The following RNF186 variants were observed in gnomAD, a reference collection of about 807,000 sequenced individuals.
RNF186 encodes the protein E3 ubiquitin-protein ligase RNF186.
For missense variants in RNF186, 298 were observed against 298.5 expected, an observed-to-expected ratio of 1.00 and a Z score of 0.01; for synonymous variants, 152 against 133.5, an observed-to-expected ratio of 1.14 and a Z score of -0.96.
Position 19,814,872 on chromosome 1 carries a change from G to A in RNF186, c.230C>T (p.Thr77Ile), listed in dbSNP as rs767724635. The stretch of plus-strand genomic sequence containing the variant: ...GCACAGCGGGCAGGTGATGGACCAG[G>A]TGTTGTCCTGCACGCACAGCAGGAG... Reference protein sequence around the residue: ...LKLLLCVQDNTWSITCPLCRK... With the variant: ...LKLLLCVQDNIWSITCPLCRK... Residue 77 changes from threonine (T) to isoleucine (I), a missense_variant, in exon 1 of 1, where the codon ACC becomes ATC. By Grantham distance (89) the Thr-to-Ile change is moderately conservative. Coordinates refer to ENST00000375121, the MANE Select transcript of RNF186 (RefSeq NM_019062.2). This position sits in a 1 kb window ranked among gnomAD's most constrained non-coding sequence, Gnocchi z 4.7. 1.5e-5 allele frequency: 25 copies of A among 1,613,904 alleles called. 1 individual carries two copies. The highest frequency in any genetic ancestry group is 1.4e-4 in the South Asian group (13 of 91,078).
In RNF186 at chr1:19,814,995, C is replaced by T; in HGVS notation, c.107G>A (p.Cys36Tyr). The T allele has an allele frequency of 6.2e-7, 1 of 1,614,100 alleles. No individual in the cohort carries two copies. Among genetic ancestry groups the T allele is most frequent in the Admixed American group, 1.7e-5 (1 of 60,032 alleles). ...PAGGHSGSTE[C>Y]DLECLVCREP... The stretch of plus-strand genomic sequence containing the variant: ...CCGGCACACCAGACACTCCAGGTCA[C>T]ATTCTGTGGAGCCAGAATGACCCCC... The change falls in exon 1 of 1, where the codon TGT becomes TAT. Residue 36 changes from cysteine to tyrosine, a missense_variant. By Grantham distance (194) the Cys-to-Tyr change is radical. Transcript: ENST00000375121. The surrounding 1 kb of genome is among the most constrained non-coding windows in gnomAD (Gnocchi z 4.7).
At position 19,814,368 on chromosome 1, in the gene RNF186, G is replaced by A. The variant is rs199744745; in HGVS notation, c.*50C>T. 419 of 1,534,328 alleles carry A rather than the reference G, an allele frequency of 2.7e-4. No individual in the cohort carries two copies. Among genetic ancestry groups the A allele is most frequent in the East Asian group, 7.9e-4 (35 of 44,166 alleles). ...CTTACCCTGTTCATTGTGGAAGTCCGGGGGCCCAAGGGCAGAAAGGGCTGC... is the reference window on the plus strand; with the variant it reads ...CTTACCCTGTTCATTGTGGAAGTCCAGGGGCCCAAGGGCAGAAAGGGCTGC... On this transcript the variant is annotated 3_prime_UTR_variant, in exon 1 of 1. Coordinates refer to ENST00000375121, the MANE Select transcript of RNF186 (RefSeq NM_019062.2). The surrounding 1 kb of genome is among the most constrained non-coding windows in gnomAD (Gnocchi z 4.7).
rs767216940 is a variant in RNF186 at position 19,814,720 on chromosome 1, C to A, written c.382G>T (p.Asp128Tyr). 1 of 1,614,172 alleles carries A rather than the reference C, an allele frequency of 6.2e-7. No homozygotes were observed. The highest frequency in any genetic ancestry group is 1.3e-5 in the African/African-American group (1 of 75,056). ...LCPQGLVDPA[D>Y]LAAGHPSLVG... is the part of the protein sequence containing the mutation. Reference sequence around the variant, plus strand: ...AAGCTGGGGTGTCCTGCTGCCAAGTCAGCAGGATCCACCAGCCCCTGAGGA... The same window carrying A: ...AAGCTGGGGTGTCCTGCTGCCAAGTAAGCAGGATCCACCAGCCCCTGAGGA... Residue 128 changes from aspartate (D) to tyrosine (Y), a missense_variant, in exon 1 of 1, where the codon GAC becomes TAC. Physicochemically the swap from Asp to Tyr is radical, Grantham distance 160 (BLOSUM62 -3). Transcript: ENST00000375121. The surrounding 1 kb of genome is among the most constrained non-coding windows in gnomAD (Gnocchi z 4.7).
rs376655245 is a variant in RNF186, at chr1:19,815,044, T to A, written c.58A>T (p.Thr20Ser). Residue 20 changes from threonine to serine, a missense_variant, in exon 1 of 1, where the codon ACC becomes TCC. Transcript: ENST00000375121. ...CCAGCAGGGGCCACAGCGGTGGTGG[T>A]TGTGGTGGCTCCTGCGGAGATGGGC... ...SQPISAGATT[T>S]TTAVAPAGGH... 3.1e-6 allele frequency: 5 copies of A among 1,613,726 alleles called. No individual in the cohort carries two copies. The African/African-American group carries it at 6.7e-5, about 22-fold the overall frequency.
In RNF186 at chr1:19,814,326, G is replaced by T; in HGVS notation, c.*92C>A. ...GGCATGTGATTTCCCAAAGGAGCCA[G>T]TCTTAGTCCGTAACCCCTTACCCTG... On this transcript the variant is annotated 3_prime_UTR_variant, in exon 1 of 1. Transcript: ENST00000375121. This position sits in a 1 kb window ranked among gnomAD's most constrained non-coding sequence, Gnocchi z 4.7. 8.3e-7 allele frequency: 1 copy of T among 1,210,950 alleles called. No homozygotes were observed. The highest frequency in any genetic ancestry group is 1.2e-6 in the Non-Finnish European group (1 of 869,518). 75.0% of individuals were successfully genotyped at this position (1,210,950 alleles called of 1,614,324 possible).
chr1:19,814,628 G>T lies in RNF186; in HGVS notation c.474C>A (p.His158Gln). The T allele has an allele frequency of 2.5e-6, 4 of 1,614,218 alleles. No homozygotes were observed. The highest frequency in any genetic ancestry group is 3.4e-6 in the Non-Finnish European group (4 of 1,180,040). The change falls in exon 1 of 1, where the codon CAC (histidine) becomes CAA (glutamine). Residue 158 changes from histidine to glutamine, a missense_variant. By Grantham distance (24) the His-to-Gln change is conservative (BLOSUM62 0). Coordinates refer to ENST00000375121, the MANE Select transcript of RNF186 (RefSeq NM_019062.2). The surrounding 1 kb of genome is among the most constrained non-coding windows in gnomAD (Gnocchi z 4.7). Reference protein sequence around the residue: ...NHVAARRLAAHLLLLALLIIL... With the variant: ...NHVAARRLAAQLLLLALLIIL... ...TAATGAGCAAGGCCAGCAGGAGTAG[G>T]TGCGCGGCCAGGCGCCGGGCTGCCA...
Position 19,814,182 on chromosome 1 carries a change from C to T in RNF186, c.*236G>A, listed in dbSNP as rs1341235049. 3 of 505,726 alleles carry T rather than the reference C, an allele frequency of 5.9e-6. No individual in the cohort carries two copies. Among genetic ancestry groups the T allele is most frequent in the Non-Finnish European group, 7.0e-6 (2 of 283,766 alleles). 31.3% of individuals were successfully genotyped at this position (505,726 alleles called of 1,614,324 possible). A position where few individuals can be genotyped will look rare whatever the true frequency, so the allele number is the denominator to read the frequency against. The stretch of plus-strand genomic sequence containing the variant: ...GTCATGTTCAAGTAGTTTGTGTCTG[C>T]TCCCCTAGCCACCAACAGTTTTAGC... On this transcript the variant is annotated 3_prime_UTR_variant, in exon 1 of 1. Transcript: ENST00000375121. The surrounding 1 kb of genome is among the most constrained non-coding windows in gnomAD (Gnocchi z 4.7).
chr1:19,814,378 G>A lies in RNF186; in HGVS notation c.*40C>T. On this transcript the variant is annotated 3_prime_UTR_variant, in exon 1 of 1. Transcript: ENST00000375121. This position sits in a 1 kb window ranked among gnomAD's most constrained non-coding sequence, Gnocchi z 4.7. ...TCATTGTGGAAGTCCGGGGGCCCAA[G>A]GGCAGAAAGGGCTGCAGGGATAGCC... 1.3e-6 allele frequency: 2 copies of A among 1,578,238 alleles called. No individual in the cohort carries two copies. Among genetic ancestry groups the A allele is most frequent in the East Asian group, 2.2e-5 (1 of 44,490 alleles).
At position 19,814,392 on chromosome 1, in the gene RNF186, G is replaced by A. The variant is rs766837946; in HGVS notation, c.*26C>T. 57 of 1,601,620 alleles carry A rather than the reference G, an allele frequency of 3.6e-5. No homozygotes were observed. Among genetic ancestry groups the A allele is most frequent in the Middle Eastern group, 1.7e-4 (1 of 5,998 alleles). On this transcript the variant is annotated 3_prime_UTR_variant, in exon 1 of 1. Coordinates refer to ENST00000375121, the MANE Select transcript of RNF186 (RefSeq NM_019062.2). This position sits in a 1 kb window ranked among gnomAD's most constrained non-coding sequence, Gnocchi z 4.7. The stretch of plus-strand genomic sequence containing the variant: ...CGGGGGCCCAAGGGCAGAAAGGGCT[G>A]CAGGGATAGCCTCATCAGAGGGCAC...
chr1:19,814,066 C>A lies in RNF186; in HGVS notation c.*352G>T, dbSNP rs1173834257. The stretch of plus-strand genomic sequence containing the variant: ...AGAATGGAATTCCAGTTCTATTCTA[C>A]AATGGCATCAATACTGCAATACTTT... On this transcript the variant is annotated 3_prime_UTR_variant, in exon 1 of 1. Transcript: ENST00000375121. This position sits in a 1 kb window ranked among gnomAD's most constrained non-coding sequence, Gnocchi z 4.7. The A allele has an allele frequency of 2.0e-5, 4 of 202,032 alleles. No individual in the cohort carries two copies. The East Asian group carries it at 4.6e-4, about 23-fold the overall frequency. The allele number at this position is 202,032 out of a possible 1,614,324, so 12.5% of individuals were successfully genotyped here.
In RNF186 at chr1:19,814,822, C is replaced by T. The variant is rs912800988; in HGVS notation, c.280G>A (p.Gly94Ser). ...LCRKVTAVPG[G>S]LICSLRDHEA... The stretch of plus-strand genomic sequence containing the variant: ...TGGTCGCGCAGGCTGCAGATGAGGC[C>T]CCCGGGGACGGCGGTGACCTTGCGG... Residue 94 changes from glycine to serine, a missense_variant, in exon 1 of 1, where the codon GGC becomes AGC. Coordinates refer to ENST00000375121, the MANE Select transcript of RNF186 (RefSeq NM_019062.2). This position sits in a 1 kb window ranked among gnomAD's most constrained non-coding sequence, Gnocchi z 4.7. 6.2e-6 allele frequency: 10 copies of T among 1,613,720 alleles called. No homozygotes were observed. Among genetic ancestry groups the T allele is most frequent in the Non-Finnish European group, 7.6e-6 (9 of 1,180,002 alleles).
Position 19,814,347 on chromosome 1 carries a change from C to A in RNF186, c.*71G>T. On this transcript the variant is annotated 3_prime_UTR_variant, in exon 1 of 1. Transcript: ENST00000375121. This position sits in a 1 kb window ranked among gnomAD's most constrained non-coding sequence, Gnocchi z 4.7. ...GCCAGTCTTAGTCCGTAACCCCTTACCCTGTTCATTGTGGAAGTCCGGGGG... is the reference window on the plus strand; with the variant it reads ...GCCAGTCTTAGTCCGTAACCCCTTAACCTGTTCATTGTGGAAGTCCGGGGG... 7.0e-7 allele frequency: 1 copy of A among 1,419,690 alleles called. No individual in the cohort carries two copies. The highest frequency in any genetic ancestry group is 9.7e-7 in the Non-Finnish European group (1 of 1,032,826). The allele number at this position is 1,419,690 out of a possible 1,614,324, so 87.9% of individuals were successfully genotyped here.
In RNF186 at chr1:19,814,610, C is replaced by A. The variant is rs772405215; in HGVS notation, c.492G>T (p.Leu164Phe). ...TGAAGGGCCCGATGAGGATAATGAG[C>A]AAGGCCAGCAGGAGTAGGTGCGCGG... ...RLAAHLLLLA[L>F]LIILIGPFIY... is the part of the protein sequence containing the mutation. The change falls in exon 1 of 1, where the codon TTG (leucine) becomes TTT (phenylalanine). Residue 164 changes from leucine (L) to phenylalanine (F), a missense_variant. Transcript: ENST00000375121. This position sits in a 1 kb window ranked among gnomAD's most constrained non-coding sequence, Gnocchi z 4.7. 17 of 1,614,090 alleles carry A rather than the reference C, an allele frequency of 1.1e-5. No individual in the cohort carries two copies. Among genetic ancestry groups the A allele is most frequent in the African/African-American group, 2.7e-5 (2 of 74,930 alleles).
chr1:19,814,674 T>C lies in RNF186; in HGVS notation c.428A>G (p.Asp143Gly), dbSNP rs776972263. 49 of 1,613,994 alleles carry C rather than the reference T, an allele frequency of 3.0e-5. No individual in the cohort carries two copies. In the South Asian group the frequency reaches 4.3e-4, roughly 14 times the overall value. The change falls in exon 1 of 1, where the codon GAT becomes GGT. Residue 143 changes from aspartate (D) to glycine (G), a missense_variant. Asp to Gly is a moderately conservative substitution (Grantham distance 94). Coordinates refer to ENST00000375121, the MANE Select transcript of RNF186 (RefSeq NM_019062.2). The surrounding 1 kb of genome is among the most constrained non-coding windows in gnomAD (Gnocchi z 4.7). ...HPSLVGEDGQ[D>G]EVSANHVAAR... ...TGCCACGTGGTTTGCACTTACTTCA[T>C]CCTGTCCATCCTCTCCCACCAAGCT...
At position 19,815,068 on chromosome 1, in the gene RNF186, G is replaced by T; in HGVS notation, c.34C>A (p.Pro12Thr). ...GTTGTGGTGGCTCCTGCGGAGATGG[G>T]CTGGGACTGTTGCAGGGTCTTGGTG... ...ACTKTLQQSQ[P>T]ISAGATTTTT... is the part of the protein sequence containing the mutation. Residue 12 changes from proline (P) to threonine (T), a missense_variant, in exon 1 of 1, where the codon CCC becomes ACC. Pro to Thr is a conservative substitution (Grantham distance 38). Coordinates refer to ENST00000375121, the MANE Select transcript of RNF186 (RefSeq NM_019062.2). 3 of 1,613,896 alleles carry T rather than the reference G, an allele frequency of 1.9e-6. No individual in the cohort carries two copies. Among genetic ancestry groups the T allele is most frequent in the Non-Finnish European group, 2.5e-6 (3 of 1,180,018 alleles).
In RNF186 at chr1:19,814,736, C is replaced by T. The variant is rs377351426; in HGVS notation, c.366G>A (p.Gly122=). 24 of 1,614,202 alleles carry T rather than the reference C, an allele frequency of 1.5e-5. No homozygotes were observed. The East Asian group carries it at 2.5e-4, about 16-fold the overall frequency. The part of the protein sequence containing the change: ...PCTEVSLCPQ[G]LVDPADLAAG... ...CTGCCAAGTCAGCAGGATCCACCAGCCCCTGAGGACAGAGCGATACCTCTG... is the reference window on the plus strand; with the variant it reads ...CTGCCAAGTCAGCAGGATCCACCAGTCCCTGAGGACAGAGCGATACCTCTG... The change falls in exon 1 of 1, where the codon GGG becomes GGA. Residue 122 remains glycine (G), a synonymous_variant. Coordinates refer to ENST00000375121, the MANE Select transcript of RNF186 (RefSeq NM_019062.2). This position sits in a 1 kb window ranked among gnomAD's most constrained non-coding sequence, Gnocchi z 4.7.
At position 19,814,737 on chromosome 1, in the gene RNF186, C is replaced by G. The variant is rs1299674127; in HGVS notation, c.365G>C (p.Gly122Ala). The G allele has an allele frequency of 6.2e-7, 1 of 1,614,198 alleles. No individual in the cohort carries two copies. The highest frequency in any genetic ancestry group is 8.5e-7 in the Non-Finnish European group (1 of 1,180,042). ...PCTEVSLCPQ[G>A]LVDPADLAAG... The stretch of plus-strand genomic sequence containing the variant: ...TGCCAAGTCAGCAGGATCCACCAGC[C>G]CCTGAGGACAGAGCGATACCTCTGT... Residue 122 changes from glycine to alanine, a missense_variant, in exon 1 of 1, where the codon GGG becomes GCG. By Grantham distance (60) the Gly-to-Ala change is moderately conservative. Coordinates refer to ENST00000375121, the MANE Select transcript of RNF186 (RefSeq NM_019062.2). This position sits in a 1 kb window ranked among gnomAD's most constrained non-coding sequence, Gnocchi z 4.7.
Position 19,814,612 on chromosome 1 carries a change from A to G in RNF186, c.490T>C (p.Leu164=). The change falls in exon 1 of 1, where the codon TTG becomes CTG. Residue 164 remains leucine, a synonymous_variant. Coordinates refer to ENST00000375121, the MANE Select transcript of RNF186 (RefSeq NM_019062.2). This position sits in a 1 kb window ranked among gnomAD's most constrained non-coding sequence, Gnocchi z 4.7. ...AAGGGCCCGATGAGGATAATGAGCA[A>G]GGCCAGCAGGAGTAGGTGCGCGGCC... ...RLAAHLLLLA[L]LIILIGPFIY... 1.2e-6 allele frequency: 2 copies of G among 1,614,212 alleles called. No individual in the cohort carries two copies. The highest frequency in any genetic ancestry group is 1.7e-6 in the Non-Finnish European group (2 of 1,180,030).
rs2044705068 is a variant in RNF186, at chr1:19,814,923, T to C, written c.179A>G (p.His60Arg). 1.2e-6 allele frequency: 2 copies of C among 1,613,806 alleles called. No homozygotes were observed. The highest frequency in any genetic ancestry group is 1.7e-6 in the Non-Finnish European group (2 of 1,180,022). Reference protein sequence around the residue: ...PRLPKLLACQHAFCAICLKLL... With the variant: ...PRLPKLLACQRAFCAICLKLL... ...CTTCAGGCAGATGGCGCAGAAGGCA[T>C]GCTGGCAGGCCAGCAGCTTGGGCAA... Residue 60 changes from histidine (H) to arginine (R), a missense_variant, in exon 1 of 1, where the codon CAT becomes CGT. Physicochemically the swap from His to Arg is conservative, Grantham distance 29. Transcript: ENST00000375121. This position sits in a 1 kb window ranked among gnomAD's most constrained non-coding sequence, Gnocchi z 4.7.
Sources: allele counts gnomAD v4.1 joint callset, GRCh38; gene constraint gnomAD v4.1.1; non-coding constraint Gnocchi (gnomAD v3.1); transcripts MANE v1.5; gene names NCBI Gene and HGNC (gene_info 2026-07-23, HGNC 2026-07-21).